UBTD2: variants seen among roughly 807,000 people sequenced by gnomAD.
UBTD2 encodes the protein ubiquitin domain-containing protein 2.
Under a neutral mutation model 19.8 loss-of-function variants are expected in UBTD2, and 9 were observed. That is an observed-to-expected ratio of 0.46 (90% CI 0.27 to 0.79). The LOEUF is 0.79. UBTD2 is among the 30% of genes least tolerant of loss of function. The pLI is 0.14. For synonymous variants in UBTD2, 98 were observed against 103.9 expected (o/e 0.94, Z 0.35); for missense variants, 250 against 300.4 (o/e 0.83, Z 1.24).
At chr5:172,249,552 T>A (rs574937950) in intron 1 of UBTD2, among the ~76,000 whole-genome samples, 2 of 150,924 alleles carry the variant, frequency 1.3e-5, no homozygotes, top group South Asian at 4.2e-4. Context: ...TACAGAGCAA[T>A]ATCCCTTAAG....
At chr5:172,229,272 G>A (rs1280004093) in intron 2 of UBTD2, among the ~76,000 whole-genome samples, 8 of 151,910 alleles carry the variant, frequency 5.3e-5, no homozygotes, top group African/African-American at 1.2e-4. Context: ...AGGCCGAGGC[G>A]GGTGGATCAC....
chr5:172,247,587 GACAA>G (rs1360689554), intron 1 of UBTD2, among the ~76,000 whole-genome samples: 2 of 152,072 alleles, frequency 1.3e-5, no homozygotes, highest in African/African-American at 4.8e-5. Context: ...TAGACTTTAA[GACAA>G]ACATTTTTAC....
At chr5:172,238,912 A>G (rs557798850) in intron 1 of UBTD2, among the ~76,000 whole-genome samples, 1 of 152,342 alleles carries the variant, frequency 6.6e-6, no homozygotes, top group South Asian at 2.1e-4. Flanking sequence ...ATCAGTTTCC[A>G]TAAGACAATA....
intron 1 of UBTD2, among the ~76,000 whole-genome samples, chr5:172,246,503 G>C (rs557937182): frequency 1.5e-4 from 21 of 142,636 alleles, no homozygotes; most frequent in South Asian, 2.2e-4. Context: ...GCAATGCAGT[G>C]GTGCGATCTT....
At chr5:172,216,825 G>A (rs1398806597) in intron 2 of UBTD2, among the ~76,000 whole-genome samples, 1 of 151,890 alleles carries the variant, frequency 6.6e-6, no homozygotes, top group Non-Finnish European at 1.5e-5. Flanking sequence ...AATTAGTTGG[G>A]TGTGGTGGTG....
intron 1 of UBTD2, among the ~76,000 whole-genome samples, chr5:172,245,469 T>C (rs909016648): frequency 2.0e-5 from 3 of 152,098 alleles, no homozygotes; most frequent in South Asian, 2.1e-4. Context: ...TGAATTCTGT[T>C]TGGGATGCCA....
intron 1 of UBTD2, among the ~76,000 whole-genome samples, chr5:172,269,859 TGAG>T (rs1396846616): frequency 1.2e-4 from 18 of 151,204 alleles, no homozygotes; most frequent in Non-Finnish European, 2.5e-4. Context: ...AGGCAGTTCA[TGAG>T]GTCAGGAGTT....
At chr5:172,256,505 T>C (rs1755154710) in intron 1 of UBTD2, among the ~76,000 whole-genome samples, 1 of 150,002 alleles carries the variant, frequency 6.7e-6, no homozygotes, top group South Asian at 2.1e-4. Flanking sequence ...TAGCTGGGAC[T>C]ACAGGTGCAT....
intron 1 of UBTD2, among the ~76,000 whole-genome samples, chr5:172,267,436 A>T (rs1031330241): frequency 6.6e-6 from 1 of 152,238 alleles, no homozygotes; most frequent in Non-Finnish European, 1.5e-5. Context: ...CAGTCCCGTA[A>T]AACTGTACAA....
intron 1 of UBTD2, among the ~76,000 whole-genome samples, chr5:172,270,644 G>A (rs1373113329): frequency 6.6e-6 from 1 of 152,144 alleles, no homozygotes; most frequent in East Asian, 1.9e-4. Flanking sequence ...GTGAGCCACA[G>A]CACCCAGCCT....
intron 2 of UBTD2, among the ~76,000 whole-genome samples, chr5:172,230,328 A>C (rs1305390182): frequency 1.3e-5 from 2 of 150,912 alleles, no homozygotes; most frequent in Admixed American, 6.7e-5. Flanking sequence ...ACTCCGTCTC[A>C]AAGTAAAAAA....
At chr5:172,282,875 A>G (rs1023057645) in intron 1 of UBTD2, among the ~76,000 whole-genome samples, 3 of 152,158 alleles carry the variant, frequency 2.0e-5, no homozygotes, top group African/African-American at 4.8e-5. Context: ...TCAGGGTCCA[A>G]CTGCACTTGT....
chr5:172,252,132 C>G (rs1373634536), intron 1 of UBTD2, among the ~76,000 whole-genome samples: 1 of 152,216 alleles, frequency 6.6e-6, no homozygotes, highest in African/African-American at 2.4e-5. Context: ...CTCCAAAGTT[C>G]ATGCTCTTAA....
chr5:172,220,631 CAAAAAAACCAA>C (rs1182128761), intron 2 of UBTD2, among the ~76,000 whole-genome samples: 1 of 149,236 alleles, frequency 6.7e-6, no homozygotes, highest in Non-Finnish European at 1.5e-5. Context: ...CTTTAAAAAA[CAAAAAAACCAA>C]AAAAAAACCT....
At chr5:172,235,383 A>C (rs6556007) in intron 1 of UBTD2, among the ~76,000 whole-genome samples, 45,673 of 151,958 alleles carry the variant, frequency 0.3, 6,992 homozygotes, top group South Asian at 0.42. Flanking sequence ...CTAGCATTCT[A>C]CTCTCTGGAC....
chr5:172,281,704 C>T (rs1755719773), intron 1 of UBTD2, among the ~76,000 whole-genome samples: 1 of 152,100 alleles, frequency 6.6e-6, no homozygotes, highest in African/African-American at 2.4e-5. Flanking sequence ...TCTTAATTAT[C>T]ATGACAATAA....
intron 1 of UBTD2, among the ~76,000 whole-genome samples, chr5:172,241,230 G>A (rs964236613): frequency 4.6e-5 from 7 of 151,704 alleles, no homozygotes; most frequent in African/African-American, 1.7e-4. Flanking sequence ...CCTGGCCAAC[G>A]TGGCAAAACC....
intron 1 of UBTD2, among the ~76,000 whole-genome samples, chr5:172,279,893 G>A (rs926326991): frequency 1.3e-5 from 2 of 152,150 alleles, no homozygotes; most frequent in Non-Finnish European, 2.9e-5. Context: ...CGTGAAGTCA[G>A]GAGTTCAAGA....
At chr5:172,215,499 C>T (rs1463507005) in intron 2 of UBTD2, among the ~76,000 whole-genome samples, 1 of 152,162 alleles carries the variant, frequency 6.6e-6, no homozygotes, top group African/African-American at 2.4e-5. Flanking sequence ...CTCCATATTA[C>T]CGAAGGCCCA....
Sources: allele counts gnomAD v4.1 joint callset (sites outside exome capture counted in the v4.1 genomes callset), GRCh38; gene constraint gnomAD v4.1.1; transcripts MANE v1.5; gene names NCBI Gene and HGNC (gene_info 2026-07-23, HGNC 2026-07-21).